COL19A1: variants seen among roughly 807,000 people sequenced by gnomAD.
COL19A1 encodes the protein collagen type XIX alpha 1 chain.
COL19A1 carries 159 observed loss-of-function variants against 190.2 expected under a neutral mutation model. The observed-to-expected ratio is 0.84, with a 90% CI of 0.73 to 0.95. COL19A1 has a LOEUF of 0.95. Ranked by LOEUF, COL19A1 falls within the 40% of genes least tolerant of loss-of-function variation. The pLI, the probability that COL19A1 is intolerant of heterozygous loss-of-function variation, is 0.00. For synonymous variants in COL19A1, 509 were observed against 458.9 expected, an observed-to-expected ratio of 1.11 and a Z score of -1.39; for missense variants, 1,418 against 1,431.9, an observed-to-expected ratio of 0.99 and a Z score of 0.16.
At chr6:70,122,209 C>T (rs2150212446) in intron 17 of COL19A1, among the ~76,000 whole-genome samples, 1 of 152,098 alleles carries the variant, frequency 6.6e-6, no homozygotes, top group South Asian at 2.1e-4. Context: ...TGTGTTCCAC[C>T]ATCAATAATA....
intron 16 of COL19A1, among the ~76,000 whole-genome samples, chr6:70,106,329 C>T (rs1050640037): frequency 2.7e-5 from 4 of 149,348 alleles, no homozygotes; most frequent in African/African-American, 7.4e-5. Flanking sequence ...TAAGTGTGTG[C>T]GTGTGTGTGT....
chr6:69,960,623 CT>C (rs35552190), intron 10 of COL19A1, among the ~76,000 whole-genome samples: 2,626 of 109,898 alleles, frequency 0.024, 20 homozygotes, highest in African/African-American at 0.071. Context: ...TGTGCCCCCA[CT>C]TTTTTTTTTT....
At chr6:70,069,459 A>G (rs538471016) in intron 15 of COL19A1, among the ~76,000 whole-genome samples, 1 of 152,178 alleles carries the variant, frequency 6.6e-6, no homozygotes, top group East Asian at 1.9e-4. Context: ...TTGTTCTCTT[A>G]TCGTATGGAT....
At chr6:70,094,410 T>A (rs961605387) in intron 15 of COL19A1, among the ~76,000 whole-genome samples, 6 of 152,142 alleles carry the variant, frequency 3.9e-5, no homozygotes, top group Admixed American at 3.9e-4. Flanking sequence ...AAAATACACA[T>A]ATGGAAACAG....
intron 31 of COL19A1, among the ~76,000 whole-genome samples, chr6:70,152,311 A>C (rs1787115320): frequency 6.6e-6 from 1 of 152,100 alleles, no homozygotes; most frequent in South Asian, 2.1e-4. Flanking sequence ...TAGCCCAGTG[A>C]TTTACACAAT....
At chr6:70,165,913 C>T (rs754174691) in intron 36 of COL19A1, 28 bp from the exon 37 acceptor site, 36 of 1,610,512 alleles carry the variant, frequency 2.2e-5, no homozygotes, top group Non-Finnish European at 2.9e-5. Flanking sequence ...ACGTCTACGC[C>T]GCTGATATGT....
chr6:70,064,903 A>T (rs943114672), intron 14 of COL19A1, among the ~76,000 whole-genome samples: 5 of 152,150 alleles, frequency 3.3e-5, no homozygotes, highest in African/African-American at 9.7e-5. Context: ...CTTACAAGGG[A>T]TGTGAAGGAC....
chr6:69,981,021 C>T (rs1390821038), intron 11 of COL19A1, among the ~76,000 whole-genome samples: 1 of 152,156 alleles, frequency 6.6e-6, no homozygotes, highest in East Asian at 1.9e-4. Context: ...AAATATATTA[C>T]ATGCATGTGA....
At chr6:70,037,948 A>G (rs1341934492) in intron 14 of COL19A1, among the ~76,000 whole-genome samples, 1 of 152,182 alleles carries the variant, frequency 6.6e-6, no homozygotes, top group Non-Finnish European at 1.5e-5. Flanking sequence ...TAAAATATTC[A>G]TATTATTGGG....
At chr6:69,941,660 T>C (rs1773472761) in intron 9 of COL19A1, among the ~76,000 whole-genome samples, 2 of 151,916 alleles carry the variant, frequency 1.3e-5, no homozygotes, top group Admixed American at 1.3e-4. Flanking sequence ...TATCTGTATC[T>C]GACCTTCTCT....
chr6:69,959,952 A>G (rs751739115), intron 9 of COL19A1, 44 bp from the exon 10 acceptor site: 14 of 1,579,596 alleles, frequency 8.9e-6, no homozygotes, highest in African/African-American at 1.4e-5. Flanking sequence ...CTATGTTCAT[A>G]TATCTTTATG....
At chr6:69,964,387 GT>G (rs1401448049) in intron 11 of COL19A1, among the ~76,000 whole-genome samples, 2 of 152,134 alleles carry the variant, frequency 1.3e-5, no homozygotes, top group African/African-American at 2.4e-5. Context: ...GGAAGGCCAT[GT>G]CTTTAAATAA....
chr6:70,028,920 G>A (rs9346369), intron 12 of COL19A1, among the ~76,000 whole-genome samples: 1 of 151,926 alleles, frequency 6.6e-6, no homozygotes, highest in African/African-American at 2.4e-5. Context: ...ATAGGTACAT[G>A]TTTTTATTTA....
Position 70,184,684 on chromosome 6 carries a change from A to T in COL19A1, c.2776-19A>T. On this transcript the variant is annotated intron_variant, in intron 44 of 50. Coordinates refer to ENST00000620364, the MANE Select transcript of COL19A1 (RefSeq NM_001858.6). ...TGTTAATGCAGAGTTAGAAATATTA[A>T]TCCTTTTTTTCTTTATAGGGAATAA... 2 of 1,574,198 alleles carry T rather than the reference A, an allele frequency of 1.3e-6. No homozygotes were observed. The highest frequency in any genetic ancestry group is 1.7e-6 in the Non-Finnish European group (2 of 1,150,354).
chr6:70,151,802 C>T (rs1440401880), intron 31 of COL19A1, among the ~76,000 whole-genome samples: 1 of 152,088 alleles, frequency 6.6e-6, no homozygotes, highest in African/African-American at 2.4e-5. Flanking sequence ...CACCCTGGCT[C>T]ACTACTGTGA....
chr6:70,164,577 T>C (rs1788012713), intron 36 of COL19A1, among the ~76,000 whole-genome samples: 2 of 152,184 alleles, frequency 1.3e-5, no homozygotes, highest in South Asian at 4.1e-4. Flanking sequence ...TTCTCTGTTC[T>C]CTATGGAAAT....
intron 19 of COL19A1, among the ~76,000 whole-genome samples, chr6:70,138,163 C>T (rs1283588597): frequency 6.6e-6 from 1 of 152,160 alleles, no homozygotes; most frequent in African/African-American, 2.4e-5. Context: ...TATCAAAAGA[C>T]TAGTACAAAT....
At chr6:70,075,944 A>C (rs961370231) in intron 15 of COL19A1, among the ~76,000 whole-genome samples, 1 of 152,208 alleles carries the variant, frequency 6.6e-6, no homozygotes, top group Non-Finnish European at 1.5e-5. Flanking sequence ...ATGGATTAGT[A>C]AAGGAAAAAT....
Position 70,165,914 on chromosome 6 carries a change from G to T in COL19A1, c.2401-27G>T, listed in dbSNP as rs192647836. On this transcript the variant is annotated intron_variant, in intron 36 of 50. Transcript: ENST00000620364. ...AACCTGGGGTAGAAACGTCTACGCC[G>T]CTGATATGTCTATATATCCCTTGCA... 35 of 1,610,770 alleles carry T rather than the reference G, an allele frequency of 2.2e-5. No homozygotes were observed. The African/African-American group carries it at 4.0e-4, about 18-fold the overall frequency.
Sources: gnomAD v4.1 joint callset for allele counts (sites outside exome capture counted in the v4.1 genomes callset) on GRCh38, gnomAD v4.1.1 for gene constraint, MANE v1.5 for transcripts, NCBI Gene and HGNC (gene_info 2026-07-23, HGNC 2026-07-21) for gene names.